Variants in DNAJC6 observed in about 807,000 individuals in gnomAD.
DNAJC6 encodes the protein DnaJ heat shock protein family (Hsp40) member C6.
Under a neutral mutation model 110.0 loss-of-function variants are expected in DNAJC6, and 34 were observed. That is an observed-to-expected ratio of 0.31 (90% CI 0.24 to 0.41). The LOEUF (loss-of-function observed/expected upper bound fraction) is 0.41, where lower values mean the gene tolerates loss of function less well. DNAJC6 is among the 10% of genes least tolerant of loss of function. The probability of loss-of-function intolerance (pLI) is 1.00; values close to 1 mark genes in which losing one functional copy is unlikely to be tolerated. For missense variants in DNAJC6, 1,031 were observed against 1,207.8 expected, an observed-to-expected ratio of 0.85 and a Z score of 2.17; for synonymous variants, 406 against 437.2, an observed-to-expected ratio of 0.93 and a Z score of 0.89.
chr1:65,332,689 C>T (rs1645299550), intron 1 of DNAJC6, among the ~76,000 whole-genome samples: 2 of 152,290 alleles, frequency 1.3e-5, no homozygotes, highest in South Asian at 2.1e-4. Context: ...CTTCATTAAA[C>T]TCACCTTAGG....
chr1:65,335,490 C>T (rs1054009960), intron 1 of DNAJC6, among the ~76,000 whole-genome samples: 2 of 151,822 alleles, frequency 1.3e-5, no homozygotes, highest in African/African-American at 4.8e-5. Context: ...ATAAAAAGAG[C>T]CGTGAAGAAA....
At chr1:65,344,147 G>A (rs1011428765) in intron 1 of DNAJC6, among the ~76,000 whole-genome samples, 10 of 152,144 alleles carry the variant, frequency 6.6e-5, no homozygotes, top group Non-Finnish European at 7.3e-5. Context: ...TATGCCATTT[G>A]TGGTGCCATT....
intron 1 of DNAJC6, among the ~76,000 whole-genome samples, chr1:65,268,492 G>A (rs1484389596): frequency 1.3e-5 from 2 of 152,170 alleles, no homozygotes; most frequent in African/African-American, 4.8e-5. Flanking sequence ...AGCTCTCTGG[G>A]AGGTGCTTTA....
At chr1:65,375,254 C>G (rs1046289331) in intron 4 of DNAJC6, among the ~76,000 whole-genome samples, 4 of 151,968 alleles carry the variant, frequency 2.6e-5, no homozygotes, top group Non-Finnish European at 5.9e-5. Context: ...CGTGAGCTGC[C>G]GAGCCTGGCC....
At position 65,398,831 on chromosome 1, in the gene DNAJC6, T is replaced by TACTA; in HGVS notation, c.2057_2058insACTA (p.Asn687LeufsTer16). 1 of 1,614,124 alleles carries TACTA rather than the reference T, an allele frequency of 6.2e-7. No homozygotes were observed. Among genetic ancestry groups the TACTA allele is most frequent in the South Asian group, 1.1e-5 (1 of 91,086 alleles). On this transcript the variant is annotated frameshift_variant, in exon 14 of 19. Transcript: ENST00000371069. LOFTEE classifies it high-confidence loss of function. Reference sequence around the variant, plus strand: ...TTTGCAGCTTCTAGTACGCCTGCTGTGAACATTCAGCCAGATGTTTCTGGA... The same window carrying TACTA: ...TTTGCAGCTTCTAGTACGCCTGCTGTACTAGAACATTCAGCCAGATGTTTCTGGA...
intron 1 of DNAJC6, among the ~76,000 whole-genome samples, chr1:65,292,414 A>G (rs933713414): frequency 1.3e-5 from 2 of 151,184 alleles, no homozygotes; most frequent in African/African-American, 2.4e-5. Flanking sequence ...GTTTTGCTAC[A>G]TAATAAACCA....
intron 4 of DNAJC6, among the ~76,000 whole-genome samples, chr1:65,376,292 G>C (rs1645765833): frequency 1.3e-5 from 2 of 151,216 alleles, no homozygotes; most frequent in South Asian, 4.2e-4. Flanking sequence ...CTTTTTCTTA[G>C]CTTACCTAGA....
chr1:65,407,815 G>A (rs1304300021), intron 16 of DNAJC6, among the ~76,000 whole-genome samples: 1 of 152,198 alleles, frequency 6.6e-6, no homozygotes, highest in Non-Finnish European at 1.5e-5. Context: ...ACAGGTATGT[G>A]TATGTCTTAC....
At chr1:65,334,716 G>C (rs1645319219) in intron 1 of DNAJC6, among the ~76,000 whole-genome samples, 1 of 152,208 alleles carries the variant, frequency 6.6e-6, no homozygotes, top group Non-Finnish European at 1.5e-5. Context: ...GGAGTAGTGG[G>C]TGTGTAGAAA....
chr1:65,292,172 A>G (rs1644883406), intron 1 of DNAJC6, among the ~76,000 whole-genome samples: 1 of 151,896 alleles, frequency 6.6e-6, no homozygotes, highest in East Asian at 1.9e-4. Flanking sequence ...GCCTGCCACC[A>G]CACCTGGCTA....
At chr1:65,366,602 G>A (rs186814462) in intron 4 of DNAJC6, among the ~76,000 whole-genome samples, 245 of 152,194 alleles carry the variant, frequency 1.6e-3, no homozygotes, top group African/African-American at 5.5e-3. Context: ...TGGATAGACC[G>A]GTACTGACAA....
intron 1 of DNAJC6, among the ~76,000 whole-genome samples, chr1:65,346,355 C>T (rs1318830901): frequency 2.6e-5 from 4 of 151,274 alleles, no homozygotes; most frequent in South Asian, 4.2e-4. Flanking sequence ...ATCTGCTCTG[C>T]GAACAGCTTG....
At chr1:65,399,730 C>T (rs2101625820) in intron 14 of DNAJC6, among the ~76,000 whole-genome samples, 1 of 152,294 alleles carries the variant, frequency 6.6e-6, no homozygotes, top group South Asian at 2.1e-4. Context: ...CCCTGGCCAC[C>T]ACCCTTCTAC....
chr1:65,383,412 C>T (rs1426148074), intron 5 of DNAJC6, among the ~76,000 whole-genome samples: 1 of 152,136 alleles, frequency 6.6e-6, no homozygotes, highest in Admixed American at 6.5e-5. Flanking sequence ...CTCGCCTTGG[C>T]CTCTCAAAGT....
chr1:65,305,298 C>T (rs74083023), upstream of DNAJC6, among the ~76,000 whole-genome samples: 2,779 of 152,130 alleles, frequency 0.018, 81 homozygotes, highest in African/African-American at 0.054. Context: ...AGAGATTGTC[C>T]CATAACATAG....
chr1:65,393,727 C>T (rs961836552), intron 12 of DNAJC6, among the ~76,000 whole-genome samples: 11 of 152,198 alleles, frequency 7.2e-5, no homozygotes, highest in African/African-American at 1.2e-4. Flanking sequence ...CCCCTTGGTC[C>T]TGTCACCATT....
At chr1:65,333,036 A>T (rs1450017589) in intron 1 of DNAJC6, among the ~76,000 whole-genome samples, 2 of 152,188 alleles carry the variant, frequency 1.3e-5, no homozygotes, top group South Asian at 4.1e-4. Flanking sequence ...TCCACTGGCC[A>T]CAATCCATCC....
chr1:65,283,369 A>G (rs766143984), intron 1 of DNAJC6, among the ~76,000 whole-genome samples: 5 of 152,050 alleles, frequency 3.3e-5, no homozygotes, highest in Admixed American at 6.5e-5. Context: ...ATGTTATTTC[A>G]TGATTTTTTC....
chr1:65,406,098 GCCAGAACGAACGT>G lies in DNAJC6; in HGVS notation c.2457_2469del (p.Gln820GlyfsTer37). ...GTGAGCTTCTCAGCCATGCCTGGGGGCCAGAACGAACGTGGGAAAGGATCAAGTAATTTGGGTA... is the reference window on the plus strand; with the variant it reads ...GTGAGCTTCTCAGCCATGCCTGGGGGGGGAAAGGATCAAGTAATTTGGGTA... On this transcript the variant is annotated frameshift_variant, in exon 16 of 19. Transcript: ENST00000371069. LOFTEE classifies it high-confidence loss of function. 1 of 1,614,192 alleles carries G rather than the reference GCCAGAACGAACGT, an allele frequency of 6.2e-7. No homozygotes were observed. The highest frequency in any genetic ancestry group is 8.5e-7 in the Non-Finnish European group (1 of 1,180,022).
Sources: allele counts gnomAD v4.1 joint callset (sites outside exome capture counted in the v4.1 genomes callset), GRCh38; gene constraint gnomAD v4.1.1; transcripts MANE v1.5; gene names NCBI Gene and HGNC (gene_info 2026-07-23, HGNC 2026-07-21).